The following MAF variants were observed in gnomAD, a reference collection of about 807,000 sequenced individuals.
The protein encoded by MAF is transcription factor Maf.
Under a neutral mutation model 22.0 loss-of-function variants are expected in MAF, and 10 were observed. The observed-to-expected ratio is 0.45, with a 90% CI of 0.28 to 0.77. MAF has a LOEUF of 0.77. MAF is among the 30% of genes least tolerant of loss of function. The pLI is 0.12. For missense variants in MAF, 544 were observed against 548.4 expected, an observed-to-expected ratio of 0.99 and a Z score of 0.08; for synonymous variants, 337 against 255.8, an observed-to-expected ratio of 1.32 and a Z score of -3.03.
At chr16:79,252,364 A>T in the MAF span, among the ~76,000 whole-genome samples, 5 of 152,238 alleles carry the variant, frequency 3.3e-5, no homozygotes, top group African/African-American at 1.2e-4. Context: ...GTCACAAAAT[A>T]TTCTCTTTCC....
At chr16:79,473,551 G>A in the MAF span, among the ~76,000 whole-genome samples, 41 of 152,278 alleles carry the variant, frequency 2.7e-4, no homozygotes, top group Non-Finnish European at 3.7e-4. Context: ...CATGGAGAGA[G>A]GACACATCTA....
the MAF span, among the ~76,000 whole-genome samples, chr16:79,363,308 C>T: frequency 6.6e-6 from 1 of 152,116 alleles, no homozygotes; most frequent in Non-Finnish European, 1.5e-5. Flanking sequence ...CTGATAAACC[C>T]AACCTAAGTT....
At chr16:79,556,573 G>T in the MAF span, among the ~76,000 whole-genome samples, 1 of 152,208 alleles carries the variant, frequency 6.6e-6, no homozygotes, top group Non-Finnish European at 1.5e-5. Flanking sequence ...GGTATTTTCT[G>T]ATGAAATTGA....
chr16:79,477,543 T>A, the MAF span, among the ~76,000 whole-genome samples: 31,993 of 152,174 alleles, frequency 0.21, 3,453 homozygotes, highest in African/African-American at 0.26. Flanking sequence ...TTGTACCACA[T>A]GACAAGCATG....
chr16:79,441,981 A>G, the MAF span, among the ~76,000 whole-genome samples: 2 of 152,348 alleles, frequency 1.3e-5, no homozygotes, highest in East Asian at 3.9e-4. Flanking sequence ...GGCTATAGGC[A>G]GGGCTTGGAG....
the MAF span, among the ~76,000 whole-genome samples, chr16:79,566,565 T>A: frequency 6.6e-6 from 1 of 152,198 alleles, no homozygotes; most frequent in African/African-American, 2.4e-5. Flanking sequence ...TTCCTTTCAC[T>A]CTGCACCCTC....
At chr16:79,325,459 A>T in the MAF span, among the ~76,000 whole-genome samples, 1 of 152,132 alleles carries the variant, frequency 6.6e-6, no homozygotes, top group Non-Finnish European at 1.5e-5. Flanking sequence ...GCTCAGAGAG[A>T]GGAAGCAACT....
the MAF span, among the ~76,000 whole-genome samples, chr16:79,380,798 A>C: frequency 2.6e-5 from 4 of 152,176 alleles, no homozygotes; most frequent in Non-Finnish European, 2.9e-5. Flanking sequence ...CCACACACCC[A>C]CCGGCCATTG....
the MAF span, among the ~76,000 whole-genome samples, chr16:79,296,134 G>A: frequency 1.6e-4 from 25 of 152,180 alleles, no homozygotes; most frequent in Non-Finnish European, 2.6e-4. Context: ...TCTGTAAAAT[G>A]GGATTATAGT....
the MAF span, among the ~76,000 whole-genome samples, chr16:79,421,094 C>T: frequency 6.6e-5 from 10 of 151,808 alleles, no homozygotes; most frequent in African/African-American, 1.9e-4. Context: ...TATAACTGTT[C>T]TATTTTATTA....
At chr16:79,489,925 A>G in the MAF span, among the ~76,000 whole-genome samples, 1 of 152,112 alleles carries the variant, frequency 6.6e-6, no homozygotes, top group East Asian at 1.9e-4. Flanking sequence ...GCAGTGATGA[A>G]GGCCTGAAGA....
the MAF span, among the ~76,000 whole-genome samples, chr16:79,380,916 T>G: frequency 6.6e-6 from 1 of 152,242 alleles, no homozygotes; most frequent in Non-Finnish European, 1.5e-5. Context: ...GGGGTAGCCT[T>G]CAGACTGGCA....
chr16:79,448,052 A>G, the MAF span, among the ~76,000 whole-genome samples: 2 of 152,302 alleles, frequency 1.3e-5, no homozygotes, highest in African/African-American at 4.8e-5. Flanking sequence ...TCCTGATGCT[A>G]TGATAACAAA....
the MAF span, among the ~76,000 whole-genome samples, chr16:79,421,576 T>C: frequency 1.4e-3 from 220 of 152,136 alleles, 2 homozygotes; most frequent in Non-Finnish European, 2.2e-3. Context: ...GAAGGGAAGA[T>C]GATAGACATT....
At chr16:79,324,433 G>C in the MAF span, among the ~76,000 whole-genome samples, 1 of 152,176 alleles carries the variant, frequency 6.6e-6, no homozygotes, top group South Asian at 2.1e-4. Flanking sequence ...ATTCTGCAGG[G>C]CCGACTTTGG....
the MAF span, among the ~76,000 whole-genome samples, chr16:79,476,586 G>T: frequency 6.6e-6 from 1 of 152,148 alleles, no homozygotes; most frequent in South Asian, 2.1e-4. Flanking sequence ...TGTTCTCTCT[G>T]ACCCTCAGAT....
At chr16:79,382,801 T>G in the MAF span, among the ~76,000 whole-genome samples, 1 of 152,092 alleles carries the variant, frequency 6.6e-6, no homozygotes, top group Non-Finnish European at 1.5e-5. Context: ...TATGTTGAGG[T>G]TTGGAGCAAG....
intron 1 of MAF, among the ~76,000 whole-genome samples, chr16:79,588,635 T>C (rs961968538): frequency 6.6e-6 from 1 of 151,956 alleles, no homozygotes; most frequent in African/African-American, 2.4e-5. Flanking sequence ...CTAACTTATG[T>C]ATTTTTAGTA....
the MAF span, among the ~76,000 whole-genome samples, chr16:79,277,062 C>T: frequency 2.6e-5 from 4 of 151,996 alleles, no homozygotes; most frequent in African/African-American, 7.2e-5. Context: ...TTTTTGAGTC[C>T]GGTCTCACTC....
Sources: allele counts gnomAD v4.1 joint callset (sites outside exome capture counted in the v4.1 genomes callset), GRCh38; gene constraint gnomAD v4.1.1; transcripts MANE v1.5; gene names NCBI Gene and HGNC (gene_info 2026-07-23, HGNC 2026-07-21).